Variants in RALYL observed in about 807,000 individuals in gnomAD.
The protein encoded by RALYL is RALY RNA binding protein like.
Under a neutral mutation model 35.1 loss-of-function variants are expected in RALYL, and 29 were observed. The observed-to-expected ratio is 0.83, with a 90% CI of 0.61 to 1.13. The LOEUF (loss-of-function observed/expected upper bound fraction) is 1.13. Ranked by LOEUF, RALYL falls within the 50% of genes most tolerant of loss-of-function variation. The pLI is 0.00. For synonymous variants in RALYL, 120 were observed against 127.6 expected (o/e 0.94, Z 0.40); for missense variants, 359 against 360.4 (o/e 1.00, Z 0.03).
At chr8:84,910,659 T>C (rs987541315) in intron 8 of RALYL, among the ~76,000 whole-genome samples, 3 of 152,104 alleles carry the variant, frequency 2.0e-5, no homozygotes, top group Non-Finnish European at 4.4e-5. Context: ...TATAATCATG[T>C]GCATAGCTTC....
At chr8:84,742,458 T>C (rs1024952916) in intron 2 of RALYL, among the ~76,000 whole-genome samples, 8 of 151,928 alleles carry the variant, frequency 5.3e-5, no homozygotes, top group African/African-American at 1.9e-4. Context: ...AAAAAAATTG[T>C]TTTAAAAAAA....
chr8:84,872,679 C>T (rs1214966169), intron 6 of RALYL: 1 of 152,114 alleles, frequency 6.6e-6, no homozygotes, highest in Non-Finnish European at 1.5e-5. Flanking sequence ...TGTGATTTTC[C>T]TTTCCATCAA....
At chr8:84,631,871 G>A (rs1022274025) in intron 2 of RALYL, among the ~76,000 whole-genome samples, 1 of 151,806 alleles carries the variant, frequency 6.6e-6, no homozygotes, top group East Asian at 1.9e-4. Flanking sequence ...TTACTTAAAG[G>A]TGAAGACATT....
At chr8:84,850,734 C>T (rs1418235834) in intron 5 of RALYL, among the ~76,000 whole-genome samples, 2 of 152,220 alleles carry the variant, frequency 1.3e-5, no homozygotes, top group Non-Finnish European at 2.9e-5. Context: ...CATTTCCTAA[C>T]TCAGGACAGG....
At chr8:84,683,079 C>T (rs967250671) in intron 2 of RALYL, among the ~76,000 whole-genome samples, 1 of 152,176 alleles carries the variant, frequency 6.6e-6, no homozygotes, top group Non-Finnish European at 1.5e-5. Flanking sequence ...ATCTTTATCT[C>T]TGCCTTCATT....
intron 7 of RALYL, among the ~76,000 whole-genome samples, chr8:84,886,734 C>G (rs1000915089): frequency 3.3e-5 from 5 of 152,146 alleles, no homozygotes; most frequent in African/African-American, 1.2e-4. Flanking sequence ...GAGCAGGTTT[C>G]TGTATATGGA....
chr8:84,414,371 C>A (rs1359178494), intron 1 of RALYL, among the ~76,000 whole-genome samples: 5 of 151,966 alleles, frequency 3.3e-5, no homozygotes, highest in Non-Finnish European at 5.9e-5. Flanking sequence ...CTCTTTTGAC[C>A]ACATGTGACT....
chr8:84,358,502 G>A (rs1238593924), intron 1 of RALYL, among the ~76,000 whole-genome samples: 1 of 151,988 alleles, frequency 6.6e-6, no homozygotes, highest in African/African-American at 2.4e-5. Flanking sequence ...GGAATATAAA[G>A]TAAGATTGAT....
At chr8:84,327,705 C>G (rs1846072070) in intron 1 of RALYL, among the ~76,000 whole-genome samples, 1 of 151,636 alleles carries the variant, frequency 6.6e-6, no homozygotes, top group Non-Finnish European at 1.5e-5. Context: ...TGCCATTCCC[C>G]TCATCTGTCT....
At chr8:84,743,224 C>A (rs28712801) in intron 2 of RALYL, among the ~76,000 whole-genome samples, 9,302 of 151,916 alleles carry the variant, frequency 0.061, 945 homozygotes, top group African/African-American at 0.21. Context: ...TTCTAAAATA[C>A]GATAGTGATT....
intron 1 of RALYL, among the ~76,000 whole-genome samples, chr8:84,420,064 A>G (rs937997850): frequency 5.9e-5 from 9 of 151,508 alleles, no homozygotes; most frequent in Non-Finnish European, 1.0e-4. Flanking sequence ...TATACCCAGT[A>G]ATGGGATGGC....
At chr8:84,413,758 A>G (rs1006567556) in intron 1 of RALYL, among the ~76,000 whole-genome samples, 1 of 152,100 alleles carries the variant, frequency 6.6e-6, no homozygotes, top group African/African-American at 2.4e-5. Context: ...TCATTTTACA[A>G]ATGATTTCCA....
At chr8:84,596,389 A>G (rs900140987) in intron 2 of RALYL, among the ~76,000 whole-genome samples, 1 of 152,146 alleles carries the variant, frequency 6.6e-6, no homozygotes, top group African/African-American at 2.4e-5. Context: ...CTTATTATGC[A>G]TGCTTCTCTG....
At chr8:84,621,935 T>A (rs1821609854) in intron 2 of RALYL, among the ~76,000 whole-genome samples, 1 of 152,204 alleles carries the variant, frequency 6.6e-6, no homozygotes, top group Non-Finnish European at 1.5e-5. Flanking sequence ...GACTTTTTGG[T>A]AAGGCTTTTA....
At chr8:84,569,022 C>CT (rs1178778258) in intron 2 of RALYL, among the ~76,000 whole-genome samples, 1 of 148,632 alleles carries the variant, frequency 6.7e-6, no homozygotes, top group African/African-American at 2.5e-5. Flanking sequence ...ATGGTAGTTT[C>CT]TTTTGCTGTG....
intron 8 of RALYL, among the ~76,000 whole-genome samples, chr8:84,914,339 A>G (rs1399316114): frequency 5.9e-5 from 9 of 152,054 alleles, no homozygotes; most frequent in Admixed American, 5.9e-4. Context: ...CGATTTTTAG[A>G]CACTACATAA....
intron 1 of RALYL, among the ~76,000 whole-genome samples, chr8:84,438,452 A>G (rs1265760437): frequency 6.6e-6 from 1 of 152,096 alleles, no homozygotes; most frequent in Non-Finnish European, 1.5e-5. Flanking sequence ...GCAGTGGCAC[A>G]ATCTCTGCTC....
intron 1 of RALYL, among the ~76,000 whole-genome samples, chr8:84,332,068 C>A (rs1197446254): frequency 4.6e-5 from 7 of 152,102 alleles, no homozygotes; most frequent in African/African-American, 1.4e-4. Flanking sequence ...TTAATTTTTT[C>A]TCTGCCTTTC....
intron 3 of RALYL, among the ~76,000 whole-genome samples, chr8:84,787,487 C>T (rs6998597): frequency 0.27 from 41,622 of 151,944 alleles, 6,147 homozygotes; most frequent in African/African-American, 0.36. Flanking sequence ...AACATACATG[C>T]GCATGTGTCT....
Sources: gnomAD v4.1 joint callset for allele counts (sites outside exome capture counted in the v4.1 genomes callset) on GRCh38, gnomAD v4.1.1 for gene constraint, MANE v1.5 for transcripts, NCBI Gene and HGNC (gene_info 2026-07-23, HGNC 2026-07-21) for gene names.